RGS6: variants seen among roughly 807,000 people sequenced by gnomAD.
RGS6 encodes the protein regulator of G-protein signaling 6.
Under a neutral mutation model 78.5 loss-of-function variants are expected in RGS6, and 30 were observed. The ratio of observed to expected loss-of-function variants is 0.38; its 90% CI spans 0.29 to 0.52. RGS6 has a LOEUF of 0.52. Among genes scored for constraint, RGS6 ranks in the 20% least tolerant of loss-of-function variants. RGS6 has a pLI of 0.85. For synonymous variants in RGS6, 206 were observed against 206.0 expected, an observed-to-expected ratio of 1.00 and a Z score of 0.00; for missense variants, 495 against 609.7, an observed-to-expected ratio of 0.81 and a Z score of 1.98.
chr14:72,552,577 C>T (rs1179896269), intron 17 of RGS6: 1 of 152,254 alleles, frequency 6.6e-6, no homozygotes, highest in Non-Finnish European at 1.5e-5. Flanking sequence ...CAGAAACACT[C>T]ACCTCTCAGC....
At chr14:72,128,599 T>C (rs2096251466) in intron 2 of RGS6, among the ~76,000 whole-genome samples, 1 of 152,170 alleles carries the variant, frequency 6.6e-6, no homozygotes. Context: ...AAACATTATA[T>C]ACCCTTATGC....
chr14:72,009,235 T>G (rs373693511), intron 2 of RGS6, among the ~76,000 whole-genome samples: 7 of 152,252 alleles, frequency 4.6e-5, no homozygotes, highest in African/African-American at 1.7e-4. Context: ...CCTGTAGTCC[T>G]AGATACTCGG....
chr14:72,264,908 T>C (rs1458094597), intron 2 of RGS6, among the ~76,000 whole-genome samples: 3 of 152,156 alleles, frequency 2.0e-5, no homozygotes, highest in African/African-American at 7.2e-5. Flanking sequence ...TTCAGGAACC[T>C]CTCGGTACCA....
the RGS6 span, among the ~76,000 whole-genome samples, chr14:71,919,577 G>C: frequency 6.6e-6 from 1 of 152,212 alleles, no homozygotes; most frequent in Non-Finnish European, 1.5e-5. Flanking sequence ...AACGTCCATA[G>C]ACACTCCTCT....
chr14:72,258,075 T>C (rs1410987090), intron 2 of RGS6, among the ~76,000 whole-genome samples: 4 of 152,242 alleles, frequency 2.6e-5, no homozygotes, highest in Non-Finnish European at 5.9e-5. Context: ...GAGTTTTGTA[T>C]ACAGCAGATT....
rs80117220 is a variant in RGS6, at chr14:72,100,099, C to T, written c.84+135224C>T. Among the ~76,000 whole-genome samples the T allele has an allele frequency of 4.3e-3, 649 of 151,988 alleles. 23 individuals carry two copies. In the East Asian group the frequency reaches 0.072, roughly 17 times the overall value. ...TTGCTTGGGGCTTGAACTAAAGGGA[C>T]GGTGAAGAGAGGGGTAGGTTTGAGA... On this transcript the variant is annotated intron_variant, in intron 2 of 17. Coordinates refer to ENST00000553525, the MANE Select transcript of RGS6 (RefSeq NM_001204424.2).
chr14:72,337,772 G>A (rs1406630368), intron 2 of RGS6, among the ~76,000 whole-genome samples: 1 of 152,232 alleles, frequency 6.6e-6, no homozygotes, highest in African/African-American at 2.4e-5. Flanking sequence ...ATTGGCAAAT[G>A]ACCCTGCTGC....
chr14:72,467,637 G>A (rs138931277), intron 7 of RGS6, among the ~76,000 whole-genome samples: 2 of 152,264 alleles, frequency 1.3e-5, no homozygotes, highest in African/African-American at 2.4e-5. Flanking sequence ...TGGGGTGCAG[G>A]GGGCCAGAAG....
chr14:72,591,781 T>C, the RGS6 span, among the ~76,000 whole-genome samples: 244 of 152,298 alleles, frequency 1.6e-3, no homozygotes, highest in Non-Finnish European at 2.5e-3. Context: ...TAAAAACAGA[T>C]GGAAAACATG....
At chr14:72,226,026 A>AGTT (rs1441735646) in intron 2 of RGS6, among the ~76,000 whole-genome samples, 1 of 152,198 alleles carries the variant, frequency 6.6e-6, no homozygotes, top group African/African-American at 2.4e-5. Context: ...TGTAGCATCC[A>AGTT]GTTTTCTTGC....
chr14:72,189,662 G>A (rs1352486652), intron 2 of RGS6, among the ~76,000 whole-genome samples: 3 of 152,170 alleles, frequency 2.0e-5, no homozygotes, highest in African/African-American at 7.2e-5. Context: ...TAGATTTTCG[G>A]TGGTCAGTTT....
At chr14:72,193,857 A>G (rs1171291383) in intron 2 of RGS6, among the ~76,000 whole-genome samples, 4 of 152,222 alleles carry the variant, frequency 2.6e-5, no homozygotes, top group Non-Finnish European at 5.9e-5. Flanking sequence ...ATGGCTGGGA[A>G]GCATGGCAGG....
At chr14:71,881,612 G>A in the RGS6 span, among the ~76,000 whole-genome samples, 5 of 152,190 alleles carry the variant, frequency 3.3e-5, no homozygotes, top group African/African-American at 7.2e-5. Context: ...CATGTGAGAC[G>A]TGCCTTTCAC....
intron 2 of RGS6, among the ~76,000 whole-genome samples, chr14:72,141,602 G>C (rs1463657242): frequency 6.6e-6 from 1 of 152,134 alleles, no homozygotes; most frequent in Non-Finnish European, 1.5e-5. Context: ...CCTGTCCTGT[G>C]CTGGACCGTG....
At chr14:71,990,627 G>A (rs76641444) in intron 2 of RGS6, 7,394 of 455,858 alleles carry the variant, frequency 0.016, 443 homozygotes, top group African/African-American at 0.13. Context: ...TTCCTTCTTC[G>A]TCTTCATTCC....
chr14:72,491,902 A>C (rs917911320), intron 12 of RGS6, among the ~76,000 whole-genome samples: 1 of 152,214 alleles, frequency 6.6e-6, no homozygotes, highest in African/African-American at 2.4e-5. Flanking sequence ...TTGCACCCCT[A>C]GATCTCCTGC....
At chr14:71,875,529 C>A in the RGS6 span, among the ~76,000 whole-genome samples, 5 of 152,092 alleles carry the variant, frequency 3.3e-5, no homozygotes, top group African/African-American at 4.8e-5. Context: ...TTTGATTCTT[C>A]TCTCTTTTCT....
At chr14:72,301,589 A>C (rs1210436450) in intron 2 of RGS6, among the ~76,000 whole-genome samples, 3 of 152,176 alleles carry the variant, frequency 2.0e-5, no homozygotes, top group African/African-American at 7.2e-5. Context: ...GAAGTACCAC[A>C]AACTGAGTCA....
chr14:72,452,927 C>G (rs145985602), intron 3 of RGS6, among the ~76,000 whole-genome samples: 1 of 152,168 alleles, frequency 6.6e-6, no homozygotes, highest in Admixed American at 6.5e-5. Flanking sequence ...CAGAAGGGAA[C>G]TTATTCAGAG....
Sources: gnomAD v4.1 joint callset for allele counts (sites outside exome capture counted in the v4.1 genomes callset) on GRCh38, gnomAD v4.1.1 for gene constraint, MANE v1.5 for transcripts, NCBI Gene and HGNC (gene_info 2026-07-23, HGNC 2026-07-21) for gene names.